Variants in EXOC4 observed in about 807,000 individuals in gnomAD.
EXOC4 encodes exocyst complex component 4.
In EXOC4, 71 loss-of-function variants were observed where a neutral mutation model predicts 107.2. That is an observed-to-expected ratio of 0.66 (90% CI 0.55 to 0.81). The LOEUF (loss-of-function observed/expected upper bound fraction) is 0.81, where lower values mean the gene tolerates loss of function less well. EXOC4 is among the 30% of genes least tolerant of loss of function. EXOC4 has a pLI of 0.00. For missense variants in EXOC4, 1,108 were observed against 1,189.6 expected (o/e 0.93, Z 1.01); for synonymous variants, 456 against 441.2 (o/e 1.03, Z -0.42).
At chr7:133,641,212 T>C (rs1802846896) in intron 10 of EXOC4, among the ~76,000 whole-genome samples, 2 of 152,116 alleles carry the variant, frequency 1.3e-5, no homozygotes, top group Non-Finnish European at 2.9e-5. Context: ...CTTTTATTGA[T>C]TGTAAATCAC....
At chr7:134,089,061 G>A in the EXOC4 span, among the ~76,000 whole-genome samples, 3 of 152,064 alleles carry the variant, frequency 2.0e-5, no homozygotes, top group African/African-American at 4.8e-5. Flanking sequence ...TTTTATTAAA[G>A]AGCAGATTAT....
chr7:133,730,565 A>T (rs1267820849), intron 10 of EXOC4, among the ~76,000 whole-genome samples: 1 of 152,110 alleles, frequency 6.6e-6, no homozygotes, highest in Non-Finnish European at 1.5e-5. Context: ...CAGATTTCAC[A>T]TTCGCTTTGG....
intron 17 of EXOC4, among the ~76,000 whole-genome samples, chr7:134,055,526 G>A (rs1478299714): frequency 6.6e-6 from 1 of 152,180 alleles, no homozygotes; most frequent in Non-Finnish European, 1.5e-5. Flanking sequence ...AAGCCATGAA[G>A]TCCATTCCTG....
At chr7:133,342,571 T>C (rs970906204) in intron 5 of EXOC4, among the ~76,000 whole-genome samples, 16 of 152,204 alleles carry the variant, frequency 1.1e-4, no homozygotes, top group African/African-American at 3.9e-4. Flanking sequence ...TCTAGATCTC[T>C]AGCAAGGCCA....
At chr7:134,099,982 C>T in the EXOC4 span, among the ~76,000 whole-genome samples, 1 of 152,084 alleles carries the variant, frequency 6.6e-6, no homozygotes, top group African/African-American at 2.4e-5. Context: ...GCTGGGATTA[C>T]AGGCATGAGC....
chr7:133,594,629 G>A (rs1004296535), intron 9 of EXOC4, among the ~76,000 whole-genome samples: 1 of 150,276 alleles, frequency 6.7e-6, no homozygotes, highest in African/African-American at 2.5e-5. Flanking sequence ...AAGTAGCTGG[G>A]ACTACAGGTG....
chr7:134,080,614 C>T, the EXOC4 span, among the ~76,000 whole-genome samples: 3 of 151,642 alleles, frequency 2.0e-5, no homozygotes, highest in Non-Finnish European at 2.9e-5. Context: ...GGTAGTAATA[C>T]GGATGGAGGG....
At chr7:133,861,734 A>G (rs962810706) in intron 11 of EXOC4, among the ~76,000 whole-genome samples, 5 of 152,120 alleles carry the variant, frequency 3.3e-5, no homozygotes, top group Non-Finnish European at 7.4e-5. Flanking sequence ...GGGTTTCACC[A>G]TGCTGGCCAG....
At chr7:133,685,098 C>T (rs541135446) in intron 10 of EXOC4, among the ~76,000 whole-genome samples, 43 of 152,238 alleles carry the variant, frequency 2.8e-4, no homozygotes, top group East Asian at 2.1e-3. Flanking sequence ...TCACAACCCC[C>T]AATCATAGAA....
At chr7:133,658,188 G>A (rs1041572856) in intron 10 of EXOC4, among the ~76,000 whole-genome samples, 2 of 152,102 alleles carry the variant, frequency 1.3e-5, no homozygotes, top group Admixed American at 6.6e-5. Context: ...AAGAGAGAGA[G>A]CGAGAGAGAT....
chr7:133,648,661 TGAG>T (rs956911986), intron 10 of EXOC4, among the ~76,000 whole-genome samples: 1 of 152,142 alleles, frequency 6.6e-6, no homozygotes, highest in Non-Finnish European at 1.5e-5. Context: ...TAGTCTTACA[TGAG>T]GAGGAGTAGA....
rs373987535 is a variant in EXOC4, at chr7:134,004,985, A to T, written c.2422A>T (p.Met808Leu). 6.2e-6 allele frequency: 10 copies of T among 1,613,580 alleles called. No homozygotes were observed. Among genetic ancestry groups the T allele is most frequent in the Non-Finnish European group, 8.5e-6 (10 of 1,179,654 alleles). ...NYAIVANVES[M>L]DYDPLVVKLN... Reference sequence around the variant, plus strand: ...TGCCATTGTGGCTAATGTGGAAAGTATGGATTATGACCCCCTGGTGGTCAA... The same window carrying T: ...TGCCATTGTGGCTAATGTGGAAAGTTTGGATTATGACCCCCTGGTGGTCAA... The change falls in exon 16 of 18, where the codon ATG (methionine) becomes TTG (leucine). Residue 808 changes from methionine (M) to leucine (L), a missense_variant. Transcript: ENST00000253861.
At chr7:133,662,407 G>A (rs966158753) in intron 10 of EXOC4, among the ~76,000 whole-genome samples, 10 of 152,100 alleles carry the variant, frequency 6.6e-5, no homozygotes, top group African/African-American at 1.7e-4. Flanking sequence ...AAGAACTCAA[G>A]GAGAATGGGA....
At chr7:134,012,759 A>G (rs1396791272) in intron 17 of EXOC4, among the ~76,000 whole-genome samples, 1 of 152,224 alleles carries the variant, frequency 6.6e-6, no homozygotes, top group Admixed American at 6.5e-5. Context: ...AAGCTGTCCA[A>G]GAATTGGACC....
At chr7:133,372,324 G>C (rs1796395251) in intron 6 of EXOC4, among the ~76,000 whole-genome samples, 2 of 152,170 alleles carry the variant, frequency 1.3e-5, no homozygotes, top group Admixed American at 1.3e-4. Context: ...AAAAAAGGTA[G>C]AGCTGCAAGT....
At chr7:133,584,911 A>G (rs1283906990) in intron 9 of EXOC4, among the ~76,000 whole-genome samples, 3 of 152,102 alleles carry the variant, frequency 2.0e-5, no homozygotes, top group African/African-American at 7.2e-5. Flanking sequence ...AGAGTTCCAT[A>G]TAAGATTTCC....
chr7:133,808,609 T>G (rs1312646222), intron 10 of EXOC4, among the ~76,000 whole-genome samples: 2 of 152,156 alleles, frequency 1.3e-5, no homozygotes, highest in Non-Finnish European at 2.9e-5. Context: ...GCGCCTTCTT[T>G]CTGCAGACTG....
chr7:133,681,062 T>C (rs115735206), intron 10 of EXOC4, among the ~76,000 whole-genome samples: 1,744 of 152,314 alleles, frequency 0.011, 26 homozygotes, highest in African/African-American at 0.039. Context: ...TTTTTGATGG[T>C]AAATAGCCTC....
chr7:134,020,424 C>T (rs542027308), intron 17 of EXOC4, among the ~76,000 whole-genome samples: 2 of 152,286 alleles, frequency 1.3e-5, no homozygotes, highest in South Asian at 2.1e-4. Context: ...CTTTAGTCCC[C>T]TTTACTCTTA....
Sources: allele counts gnomAD v4.1 joint callset (sites outside exome capture counted in the v4.1 genomes callset), GRCh38; gene constraint gnomAD v4.1.1; transcripts MANE v1.5; gene names NCBI Gene and HGNC (gene_info 2026-07-23, HGNC 2026-07-21).